The following CDK14 variants were observed in gnomAD, a reference collection of about 807,000 sequenced individuals.
The protein encoded by CDK14 is cyclin dependent kinase 14.
Under a neutral mutation model 60.7 loss-of-function variants are expected in CDK14, and 34 were observed. The observed-to-expected ratio is 0.56, with a 90% CI of 0.43 to 0.75. CDK14 has a LOEUF of 0.75. Ranked by LOEUF, CDK14 falls within the 30% of genes least tolerant of loss-of-function variation. CDK14 has a pLI of 0.00. For synonymous variants in CDK14, 197 were observed against 203.7 expected, an observed-to-expected ratio of 0.97 and a Z score of 0.28; for missense variants, 482 against 564.1, an observed-to-expected ratio of 0.85 and a Z score of 1.47.
At chr7:91,164,914 G>A (rs1016777533) in intron 14 of CDK14, among the ~76,000 whole-genome samples, 10 of 152,080 alleles carry the variant, frequency 6.6e-5, no homozygotes, top group Admixed American at 5.9e-4. Flanking sequence ...CTAAAAAATA[G>A]AACAGAAAAA....
chr7:90,645,173 A>G lies in CDK14; in HGVS notation c.123+40924A>G, dbSNP rs376686892. On this transcript the variant is annotated intron_variant, in intron 2 of 14. Transcript: ENST00000380050. ...TCTCAACATGTTTATATATGTATAT[A>G]TATTTTACACATTATTGTAGTTGGA... Among the ~76,000 whole-genome samples, 4 of 152,308 alleles carry G rather than the reference A, an allele frequency of 2.6e-5. No homozygotes were observed. In the East Asian group the frequency reaches 7.7e-4, roughly 29 times the overall value.
At chr7:90,626,258 A>G (rs1256629585) in intron 2 of CDK14, among the ~76,000 whole-genome samples, 1 of 152,102 alleles carries the variant, frequency 6.6e-6, no homozygotes, top group African/African-American at 2.4e-5. Context: ...ACTGGTCATC[A>G]CTGTGATTGC....
At chr7:90,623,071 C>T (rs1023858663) in intron 2 of CDK14, among the ~76,000 whole-genome samples, 1 of 150,130 alleles carries the variant, frequency 6.7e-6, no homozygotes, top group African/African-American at 2.4e-5. Context: ...CTGGCTTTCT[C>T]GTATTATATA....
At chr7:90,786,353 CTTG>C (rs752025034) in intron 4 of CDK14, among the ~76,000 whole-genome samples, 17 of 152,072 alleles carry the variant, frequency 1.1e-4, no homozygotes, top group Non-Finnish European at 2.5e-4. Context: ...ATTAATAAGA[CTTG>C]TTGAAGAGGG....
chr7:90,837,276 CTTTCTTTCTTT>C (rs1790136679), intron 5 of CDK14, among the ~76,000 whole-genome samples: 1 of 150,798 alleles, frequency 6.6e-6, no homozygotes, highest in Non-Finnish European at 1.5e-5. Context: ...AATAATATTT[CTTTCTTTCTTT>C]TTTCTTTTTT....
At chr7:90,813,672 C>A (rs938337411) in intron 5 of CDK14, among the ~76,000 whole-genome samples, 8 of 152,020 alleles carry the variant, frequency 5.3e-5, no homozygotes, top group Non-Finnish European at 1.0e-4. Context: ...TTGCTTGAAC[C>A]CAGGAGGCAG....
rs573019509 is a variant in CDK14 at position 90,936,102 on chromosome 7, A to G, written c.826+18378A>G. On this transcript the variant is annotated intron_variant, in intron 8 of 14. Transcript: ENST00000380050. ...TAGACATTGCTATCTTCTTTCTCTA[A>G]TTTGGCCATGTTAACATATTTTTCA... Among the ~76,000 whole-genome samples, 18 of 152,192 alleles carry G rather than the reference A, an allele frequency of 1.2e-4. 1 individual carries two copies. The South Asian group carries it at 1.7e-3, about 14-fold the overall frequency.
At chr7:90,849,822 A>C (rs979352641) in intron 5 of CDK14, among the ~76,000 whole-genome samples, 2 of 152,026 alleles carry the variant, frequency 1.3e-5, no homozygotes, top group Non-Finnish European at 2.9e-5. Context: ...CTGTAAATCC[A>C]TGTATGGTTA....
Position 90,899,331 on chromosome 7 carries a change from G to A in CDK14, c.680G>A (p.Gly227Glu), listed in dbSNP as rs777536906. Residue 227 changes from glycine (G) to glutamate (E), a missense_variant, in exon 7 of 15, where the codon GGG becomes GAG. By Grantham distance (98) the Gly-to-Glu change is moderately conservative. Coordinates refer to ENST00000380050, the MANE Select transcript of CDK14 (RefSeq NM_001287135.2). ...LCQYMDKHPG[G>E]LHPDNVKLFL... ...CAGTACATGGACAAGCACCCTGGGGGGCTGCATCCAGATAATGTGAAGGTA... is the reference window on the plus strand; with the variant it reads ...CAGTACATGGACAAGCACCCTGGGGAGCTGCATCCAGATAATGTGAAGGTA... 8 of 1,601,830 alleles carry A rather than the reference G, an allele frequency of 5.0e-6. No individual in the cohort carries two copies. Among genetic ancestry groups the A allele is most frequent in the South Asian group, 1.1e-5 (1 of 88,460 alleles).
At chr7:91,062,883 G>A (rs976212252) in intron 11 of CDK14, among the ~76,000 whole-genome samples, 4 of 152,182 alleles carry the variant, frequency 2.6e-5, no homozygotes, top group African/African-American at 9.7e-5. Context: ...CTAGCTGCAG[G>A]TTGGGTTCAG....
chr7:90,862,577 T>A (rs1489557577), intron 5 of CDK14, among the ~76,000 whole-genome samples: 1 of 152,146 alleles, frequency 6.6e-6, no homozygotes, highest in Non-Finnish European at 1.5e-5. Flanking sequence ...CCAATATGCC[T>A]CTCTCAGTAG....
chr7:90,960,034 G>A (rs1233713580), intron 9 of CDK14, among the ~76,000 whole-genome samples: 1 of 152,106 alleles, frequency 6.6e-6, no homozygotes, highest in Non-Finnish European at 1.5e-5. Context: ...AGTTTTGAAA[G>A]CCACATTAAG....
At chr7:90,758,276 C>G (rs774346841) in intron 4 of CDK14, among the ~76,000 whole-genome samples, 1 of 150,820 alleles carries the variant, frequency 6.6e-6, no homozygotes, top group Non-Finnish European at 1.5e-5. Context: ...CTCTTTGTCT[C>G]TCTCTCTCTC....
chr7:90,901,674 G>GTATATATATATATA (rs10646692), intron 7 of CDK14, among the ~76,000 whole-genome samples: 2 of 148,198 alleles, frequency 1.3e-5, no homozygotes, highest in African/African-American at 5.0e-5. Flanking sequence ...AGCTTTATAT[G>GTATATATATATATA]TATATATATA....
chr7:90,928,923 C>T (rs1301036381), intron 8 of CDK14, among the ~76,000 whole-genome samples: 2 of 152,144 alleles, frequency 1.3e-5, no homozygotes, highest in African/African-American at 4.8e-5. Flanking sequence ...TCAGCAATGG[C>T]GACGCCCCTC....
chr7:91,175,185 G>C (rs569592636), intron 14 of CDK14, among the ~76,000 whole-genome samples: 2 of 151,856 alleles, frequency 1.3e-5, no homozygotes, highest in South Asian at 4.2e-4. Flanking sequence ...TTTCAACCCA[G>C]AATTTCATAT....
intron 5 of CDK14, among the ~76,000 whole-genome samples, chr7:90,855,439 A>G (rs1405793279): frequency 2.0e-5 from 3 of 152,208 alleles, no homozygotes; most frequent in Non-Finnish European, 4.4e-5. Flanking sequence ...ACTTTTCCAG[A>G]TATCTCCTTT....
At chr7:91,123,842 G>A (rs994689225) in intron 14 of CDK14, among the ~76,000 whole-genome samples, 11 of 152,152 alleles carry the variant, frequency 7.2e-5, no homozygotes, top group Non-Finnish European at 1.5e-4. Flanking sequence ...TTGTCACAAA[G>A]CAGAATGAAA....
intron 10 of CDK14, among the ~76,000 whole-genome samples, chr7:91,040,057 C>T (rs918476353): frequency 2.6e-5 from 4 of 152,156 alleles, no homozygotes; most frequent in African/African-American, 9.7e-5. Context: ...ACTGTTCAGC[C>T]TGGACAACAG....
Sources: allele counts gnomAD v4.1 joint callset (sites outside exome capture counted in the v4.1 genomes callset), GRCh38; gene constraint gnomAD v4.1.1; transcripts MANE v1.5; gene names NCBI Gene and HGNC (gene_info 2026-07-23, HGNC 2026-07-21).